CCM2: variants seen among roughly 807,000 people sequenced by gnomAD.
The protein encoded by CCM2 is CCM2 scaffold protein, also known as cerebral cavernous malformations 2 protein.
A neutral mutation model predicts 44.9 loss-of-function variants in CCM2; 25 were observed. The ratio of observed to expected loss-of-function variants is 0.56; its 90% CI spans 0.41 to 0.78. The LOEUF is 0.78. Among genes scored for constraint, CCM2 ranks in the 30% least tolerant of loss-of-function variants. The probability of loss-of-function intolerance (pLI) is 0.00; values close to 1 mark genes in which losing one functional copy is unlikely to be tolerated. For synonymous variants in CCM2, 219 were observed against 241.1 expected (o/e 0.91, Z 0.85); for missense variants, 481 against 580.6 (o/e 0.83, Z 1.76).
intron 1 of CCM2, among the ~76,000 whole-genome samples, chr7:45,026,429 CTTTA>C (rs950803477): frequency 6.6e-6 from 1 of 152,068 alleles, no homozygotes; most frequent in Non-Finnish European, 1.5e-5. Context: ...AAATATTAAA[CTTTA>C]TTTGTTACAG....
chr7:45,064,706 T>C, intron 4 of CCM2, 60 bp downstream of exon 4: 1 of 1,588,092 alleles, frequency 6.3e-7, no homozygotes, highest in South Asian at 1.1e-5. Context: ...GTGAATTTTA[T>C]GAAGTTCTGG....
intron 1 of CCM2, among the ~76,000 whole-genome samples, chr7:45,035,826 C>CAT (rs148493896): frequency 1.9e-3 from 290 of 150,162 alleles, no homozygotes; most frequent in Admixed American, 8.8e-3. Context: ...TACATATATA[C>CAT]ATATATATAT....
chr7:45,019,120 G>T (rs1454222144), intron 1 of CCM2, among the ~76,000 whole-genome samples: 1 of 137,954 alleles, frequency 7.2e-6, no homozygotes, highest in Non-Finnish European at 1.5e-5. Flanking sequence ...CTGGAGTGCT[G>T]TGGCGTGATC....
chr7:45,018,305 T>C (rs551002596), intron 1 of CCM2, among the ~76,000 whole-genome samples: 1 of 152,294 alleles, frequency 6.6e-6, no homozygotes, highest in South Asian at 2.1e-4. Flanking sequence ...ACCTCTGTTT[T>C]ACAGGATATA....
Position 45,072,752 on chromosome 7 carries a change from A to G in CCM2, c.772A>G (p.Lys258Glu). 6.2e-7 allele frequency: 1 copy of G among 1,612,874 alleles called. No individual in the cohort carries two copies. Among genetic ancestry groups the G allele is most frequent in the Non-Finnish European group, 8.5e-7 (1 of 1,179,660 alleles). The change falls in exon 7 of 10, where the codon AAG becomes GAG. Residue 258 changes from lysine (K) to glutamate (E), a missense_variant. Transcript: ENST00000258781. The stretch of plus-strand genomic sequence containing the variant: ...TGACTCTTCTACAAAAGTGGACATT[A>G]AGGAGACCTACGAGGTGGAAGCCAG... ...SDDSSTKVDI[K>E]ETYEVEASTF...
intron 1 of CCM2, among the ~76,000 whole-genome samples, chr7:45,034,385 G>A (rs1352129292): frequency 6.8e-6 from 1 of 147,270 alleles, no homozygotes; most frequent in East Asian, 2.0e-4. Flanking sequence ...CTAATTTTTG[G>A]TATTTTAAGT....
chr7:45,047,324 G>A (rs939741357), intron 2 of CCM2, among the ~76,000 whole-genome samples: 3 of 152,170 alleles, frequency 2.0e-5, no homozygotes, highest in Non-Finnish European at 4.4e-5. Context: ...CATGTCCTTT[G>A]GTGGATAAAT....
intron 2 of CCM2, among the ~76,000 whole-genome samples, chr7:45,059,160 C>T (rs1465397258): frequency 5.3e-5 from 8 of 152,178 alleles, no homozygotes; most frequent in Admixed American, 5.2e-4. Flanking sequence ...GGATTATAGG[C>T]ATGAGTCACT....
chr7:45,021,563 CAAAAA>C (rs552014608), intron 1 of CCM2, among the ~76,000 whole-genome samples: 1 of 138,884 alleles, frequency 7.2e-6, no homozygotes, highest in Non-Finnish European at 1.6e-5. Flanking sequence ...GGCTCTTTCT[CAAAAA>C]AAAAAAATAA....
intron 2 of CCM2, among the ~76,000 whole-genome samples, chr7:45,042,858 C>A (rs1297967097): frequency 1.3e-5 from 2 of 152,140 alleles, no homozygotes; most frequent in East Asian, 3.9e-4. Context: ...AGAATTCTAT[C>A]AAACATTTAA....
intron 1 of CCM2, among the ~76,000 whole-genome samples, chr7:45,007,471 A>G (rs377725225): frequency 5.3e-5 from 8 of 152,226 alleles, no homozygotes; most frequent in African/African-American, 1.7e-4. Context: ...CAATGGAACC[A>G]TTAGGATTTT....
chr7:45,010,826 G>C (rs1187263047), intron 1 of CCM2, among the ~76,000 whole-genome samples: 1 of 152,108 alleles, frequency 6.6e-6, no homozygotes, highest in Non-Finnish European at 1.5e-5. Context: ...TCGAACCCCT[G>C]ACCTCAGGTG....
At chr7:45,027,869 A>G (rs1796763984) in intron 1 of CCM2, 4 of 1,507,258 alleles carry the variant, frequency 2.7e-6, no homozygotes, top group South Asian at 1.1e-5. Flanking sequence ...GGTGGCTTTC[A>G]TGGCTGCTTC....
rs562931452 is a variant in CCM2 at position 45,049,157 on chromosome 7, A to T, written c.204+10731A>T. Among the ~76,000 whole-genome samples the T allele has an allele frequency of 5.8e-4, 89 of 152,142 alleles. 1 individual carries two copies. Among genetic ancestry groups the T allele is most frequent in the African/African-American group, 1.9e-3 (80 of 41,520 alleles). ...TTTTTTGTGGTGATGGGGTCTTGCCATGTTGCCCAGGCTGGTCTCGAACTC... is the reference window on the plus strand; with the variant it reads ...TTTTTTGTGGTGATGGGGTCTTGCCTTGTTGCCCAGGCTGGTCTCGAACTC... On this transcript the variant is annotated intron_variant, in intron 2 of 9. Transcript: ENST00000258781.
chr7:45,012,005 A>C (rs903631622), intron 1 of CCM2, among the ~76,000 whole-genome samples: 1 of 150,704 alleles, frequency 6.6e-6, no homozygotes, highest in Non-Finnish European at 1.5e-5. Flanking sequence ...CCTGTCAGTT[A>C]TTGAGAGAGA....
At chr7:45,038,144 T>G (rs1797314628) in intron 1 of CCM2, 109 bp from the exon 2 acceptor site, 1 of 1,297,946 alleles carries the variant, frequency 7.7e-7, no homozygotes, top group Non-Finnish European at 1.1e-6. Context: ...TGATCCCTGT[T>G]GCATGGGGGC....
Position 45,064,681 on chromosome 7 carries a change from C to G in CCM2, c.472+35C>G, listed in dbSNP as rs374915487. On this transcript the variant is annotated intron_variant, in intron 4 of 9. Transcript: ENST00000258781. ...GTCAGGGGTCAGGAGGGTCCTTGTC[C>G]TAAGGAGTACATGTGTGAATTTTAT... 11 of 1,608,814 alleles carry G rather than the reference C, an allele frequency of 6.8e-6. No homozygotes were observed. The Admixed American group carries it at 8.4e-5, about 12-fold the overall frequency.
chr7:45,013,843 T>C (rs4724345), intron 1 of CCM2, among the ~76,000 whole-genome samples: 132,016 of 152,208 alleles, frequency 0.87, 57,571 homozygotes, highest in African/African-American at 0.96. Flanking sequence ...TTTTTCCTCA[T>C]GAGTTTATGT....
intron 2 of CCM2, among the ~76,000 whole-genome samples, chr7:45,045,089 C>T (rs1583919006): frequency 6.6e-6 from 1 of 152,166 alleles, no homozygotes; most frequent in East Asian, 1.9e-4. Context: ...ATATGTCTAG[C>T]CTTTTCTTTC....
Sources: gnomAD v4.1 joint callset for allele counts (sites outside exome capture counted in the v4.1 genomes callset) on GRCh38, gnomAD v4.1.1 for gene constraint, MANE v1.5 for transcripts, NCBI Gene and HGNC (gene_info 2026-07-23, HGNC 2026-07-21) for gene names.